FAAH2: variants seen among roughly 807,000 people sequenced by gnomAD.
FAAH2 encodes fatty-acid amide hydrolase 2.
In FAAH2, 60 loss-of-function variants were observed where a neutral mutation model predicts 36.9. The ratio of observed to expected loss-of-function variants is 1.63; its 90% CI spans 1.32 to 2.02. The LOEUF is 2.02. FAAH2 is among the 30% of genes most tolerant of loss of function. The pLI is 0.00. For synonymous variants in FAAH2, 214 were observed against 143.8 expected (o/e 1.49, Z -3.49); for missense variants, 689 against 397.5 (o/e 1.73, Z -6.23).
At chrX:57,371,686 T>C (rs1205944571) in intron 5 of FAAH2, among the ~76,000 whole-genome samples, 1 of 109,385 alleles carries the variant, frequency 9.1e-6, no homozygotes, top group Non-Finnish European at 1.9e-5. Flanking sequence ...GGGATACATG[T>C]GCAAGGTTTC....
At chrX:57,203,238 GAAACAAAGGGATGGGCCA>G in the FAAH2 span, among the ~76,000 whole-genome samples, 9 of 112,160 alleles carry the variant, frequency 8.0e-5, no homozygotes, top group African/African-American at 2.6e-4. Flanking sequence ...TTCCTTATGG[GAAACAAAGGGATGGGCCA>G]AAACAAAGGG....
At chrX:57,436,367 A>T (rs941640134) in intron 8 of FAAH2, among the ~76,000 whole-genome samples, 1 of 110,529 alleles carries the variant, frequency 9.0e-6, no homozygotes, top group Non-Finnish European at 1.9e-5. Flanking sequence ...TAAAAAAAAA[A>T]ATTCTAGTAG....
At chrX:57,352,020 G>GTGTATATATATATA (rs200784566) in intron 5 of FAAH2, among the ~76,000 whole-genome samples, 3 of 7,769 alleles carry the variant, frequency 3.9e-4, no homozygotes, top group East Asian at 0.042. Flanking sequence ...ATGTGTGTGT[G>GTGTATATATATATA]TATATATATA....
intron 10 of FAAH2, among the ~76,000 whole-genome samples, chrX:57,455,897 A>G (rs1448714214): frequency 8.9e-6 from 1 of 112,077 alleles, no homozygotes; most frequent in African/African-American, 3.2e-5. Context: ...CAGATCACTG[A>G]GGCAGAAAAC....
intron 3 of FAAH2, among the ~76,000 whole-genome samples, chrX:57,312,665 A>C (rs977911890): frequency 3.9e-5 from 3 of 76,775 alleles, no homozygotes; most frequent in African/African-American, 1.1e-4. Context: ...CAAGCACAAA[A>C]CTCCATCAAA....
intron 8 of FAAH2, among the ~76,000 whole-genome samples, chrX:57,438,830 C>T (rs1368647574): frequency 1.9e-5 from 2 of 103,091 alleles, no homozygotes; most frequent in East Asian, 6.3e-4. Flanking sequence ...CAATTCCCAC[C>T]TATAAGTGAG....
chrX:57,444,884 C>A (rs1291162773), intron 8 of FAAH2, among the ~76,000 whole-genome samples: 2 of 111,637 alleles, frequency 1.8e-5, no homozygotes, highest in African/African-American at 6.5e-5. Flanking sequence ...GGAATTCCTT[C>A]TCTGCATTGT....
At chrX:57,349,020 C>T (rs1380517309) in intron 5 of FAAH2, among the ~76,000 whole-genome samples, 1 of 100,395 alleles carries the variant, frequency 1.0e-5, no homozygotes, top group Non-Finnish European at 2.0e-5. Context: ...AATACCAATA[C>T]AAAGAACTCA....
intron 8 of FAAH2, among the ~76,000 whole-genome samples, chrX:57,440,500 G>T (rs2056526686): frequency 9.0e-6 from 1 of 111,281 alleles, no homozygotes; most frequent in African/African-American, 3.3e-5. Context: ...GGAGATTTTG[G>T]GCTGATAGGA....
intron 7 of FAAH2, among the ~76,000 whole-genome samples, chrX:57,408,817 G>T (rs1466324101): frequency 1.8e-5 from 2 of 111,386 alleles, no homozygotes; most frequent in African/African-American, 6.5e-5. Context: ...TACATGTAAT[G>T]AAATGATACT....
chrX:57,286,734 C>A lies in FAAH2; in HGVS notation c.-92C>A. The A allele has an allele frequency of 1.1e-6, 1 of 883,598 alleles. No individual in the cohort carries two copies. Among genetic ancestry groups the A allele is most frequent in the Non-Finnish European group, 1.5e-6 (1 of 679,119 alleles). The allele number at this position is 883,598 out of a possible 1,213,427, so 72.8% of individuals were successfully genotyped here. On this transcript the variant is annotated 5_prime_UTR_variant, in exon 1 of 11. Transcript: ENST00000374900. The stretch of plus-strand genomic sequence containing the variant: ...CACTGGACTTGTAAACGAAAAGCTT[C>A]ATAAGTCCCTCTTTGCTTAGTACTT...
At chrX:57,442,979 A>G (rs941274921) in intron 8 of FAAH2, among the ~76,000 whole-genome samples, 2 of 111,665 alleles carry the variant, frequency 1.8e-5, no homozygotes, top group Non-Finnish European at 1.9e-5. Context: ...CGAGAGATCC[A>G]CTGTTAGTCT....
At chrX:57,303,087 G>T (rs1396340521) in intron 2 of FAAH2, among the ~76,000 whole-genome samples, 1 of 111,420 alleles carries the variant, frequency 9.0e-6, no homozygotes, top group Non-Finnish European at 1.9e-5. Context: ...AAGACCTTAG[G>T]AAAGTGTACA....
Position 57,397,063 on chromosome X carries a change from C to T in FAAH2, c.996+16034C>T, listed in dbSNP as rs1025571793. On this transcript the variant is annotated intron_variant, in intron 7 of 10. Transcript: ENST00000374900. ...AGTTATATTTCTCATTATATAATGC[C>T]CTTCTTTGTTTTTTGTTTACTTTTG... 4.5e-5 allele frequency among the ~76,000 whole-genome samples: 5 copies of T among 110,888 alleles called. No homozygotes were observed. In the East Asian group the frequency reaches 8.5e-4, roughly 19 times the overall value.
the FAAH2 span, among the ~76,000 whole-genome samples, chrX:57,184,877 G>A: frequency 1.8e-5 from 2 of 111,668 alleles, no homozygotes; most frequent in Non-Finnish European, 3.8e-5. Flanking sequence ...TTGTTTATTA[G>A]CAAAGTGCTG....
At chrX:57,234,544 A>C in the FAAH2 span, among the ~76,000 whole-genome samples, 1 of 111,840 alleles carries the variant, frequency 8.9e-6, no homozygotes, top group African/African-American at 3.2e-5. Context: ...GGGATGCCTG[A>C]GCTTCTTTTC....
At chrX:57,220,736 G>A in the FAAH2 span, among the ~76,000 whole-genome samples, 2 of 111,938 alleles carry the variant, frequency 1.8e-5, no homozygotes, top group East Asian at 5.7e-4. Flanking sequence ...GGCAATGAAG[G>A]CCACTGGTCC....
rs59787885 is a variant in FAAH2 at position 57,364,009 on chromosome X, G to GTTTTTTTTTTTTTTTT, written c.743-14633_743-14618dup. ...TTCATCATAGATGTCGGCCTGTAGG[G>GTTTTTTTTTTTTTTTT]TTTTTTTTTTTTTTTTTTTTTTTTG... On this transcript the variant is annotated intron_variant, in intron 5 of 10. Coordinates refer to ENST00000374900, the MANE Select transcript of FAAH2 (RefSeq NM_174912.4). Among the ~76,000 whole-genome samples, 6 of 46,542 alleles carry GTTTTTTTTTTTTTTTT rather than the reference G, an allele frequency of 1.3e-4. 1 individual carries two copies. The highest frequency in any genetic ancestry group is 2.6e-4 in the African/African-American group (3 of 11,640). The allele number at this position is 46,542 out of a possible 115,157, so 40.4% of individuals were successfully genotyped here.
At chrX:57,220,696 C>A in the FAAH2 span, among the ~76,000 whole-genome samples, 1 of 112,226 alleles carries the variant, frequency 8.9e-6, no homozygotes, top group South Asian at 3.7e-4. Flanking sequence ...TCCTAAAAAT[C>A]CACCTCCACC....
Sources: allele counts gnomAD v4.1 joint callset (sites outside exome capture counted in the v4.1 genomes callset), GRCh38; gene constraint gnomAD v4.1.1; transcripts MANE v1.5; gene names NCBI Gene and HGNC (gene_info 2026-07-23, HGNC 2026-07-21).